NCKAP1L: variants seen among roughly 807,000 people sequenced by gnomAD.
NCKAP1L encodes nck-associated protein 1-like.
In NCKAP1L, 53 loss-of-function variants were observed where a neutral mutation model predicts 139.2. That is an observed-to-expected ratio of 0.38 (90% CI 0.31 to 0.48). NCKAP1L has a LOEUF of 0.48. NCKAP1L is among the 20% of genes least tolerant of loss of function. NCKAP1L has a pLI of 0.98. For synonymous variants in NCKAP1L, 468 were observed against 499.7 expected, an observed-to-expected ratio of 0.94 and a Z score of 0.85; for missense variants, 1,151 against 1,381.9, an observed-to-expected ratio of 0.83 and a Z score of 2.65.
At chr12:54,523,296 A>G in intron 18 of NCKAP1L, 98 bp from the exon 19 acceptor site, 2 of 1,382,400 alleles carry the variant, frequency 1.4e-6, no homozygotes, top group South Asian at 2.8e-5. Flanking sequence ...AGAAAGATAA[A>G]ATAACAGACA....
chr12:54,516,135 G>C (rs1356778839), intron 9 of NCKAP1L, 104 bp from the exon 10 acceptor site: 6 of 1,154,986 alleles, frequency 5.2e-6, no homozygotes, highest in Admixed American at 1.8e-5. Context: ...GGCTGCCCAT[G>C]CTCCCACCAG....
In NCKAP1L at chr12:54,526,597, A is replaced by G; in HGVS notation, c.2226A>G (p.Ala742=). 6.2e-7 allele frequency: 1 copy of G among 1,614,044 alleles called. No homozygotes were observed. Among genetic ancestry groups the G allele is most frequent in the Non-Finnish European group, 8.5e-7 (1 of 1,180,014 alleles). The part of the protein sequence containing the change: ...QEIVRPSELL[A]GVKAYIGFIQ... ...TCGTACGGCCTTCTGAGCTGTTGGCAGGAGTCAAAGCATACATTGGTTTCA... is the reference window on the plus strand; with the variant it reads ...TCGTACGGCCTTCTGAGCTGTTGGCGGGAGTCAAAGCATACATTGGTTTCA... Residue 742 remains alanine (A), a synonymous_variant, in exon 21 of 31, where the codon GCA becomes GCG. Transcript: ENST00000293373.
At position 54,502,823 on chromosome 12, in the gene NCKAP1L, C is replaced by CAAAAA. The variant is rs780466592; in HGVS notation, c.306+2219_306+2223dup. 4.5e-3 allele frequency among the ~76,000 whole-genome samples: 260 copies of CAAAAA among 57,338 alleles called. 1 individual carries two copies. The highest frequency in any genetic ancestry group is 6.3e-3 in the Non-Finnish European group (207 of 32,662). 37.6% of individuals were successfully genotyped at this position (57,338 alleles called of 152,430 possible). A position where few individuals can be genotyped will look rare whatever the true frequency, so the allele number is the denominator to read the frequency against. On this transcript the variant is annotated intron_variant, in intron 3 of 30. Transcript: ENST00000293373. ...GCAACATGGTGAAACCCCATCTACA[C>CAAAAA]AAAAAAAAAAAAAAAAAAAAAAAAA...
chr12:54,500,766 T>C (rs1956791569), intron 3 of NCKAP1L, 141 bp downstream of exon 3: 3 of 632,230 alleles, frequency 4.7e-6, no homozygotes, highest in Non-Finnish European at 8.5e-6. Context: ...CTAAGTTGTA[T>C]TGTTAAATGA....
chr12:54,508,591 G>A, intron 5 of NCKAP1L, 60 bp downstream of exon 5: 1 of 1,534,952 alleles, frequency 6.5e-7, no homozygotes, highest in East Asian at 2.3e-5. Context: ...GATGTAGAGA[G>A]TCCCTCATGC....
Position 54,520,691 on chromosome 12 carries a change from C to A in NCKAP1L, c.1626-3C>A, listed in dbSNP as rs905031205. 4 of 1,614,102 alleles carry A rather than the reference C, an allele frequency of 2.5e-6. No individual in the cohort carries two copies. The highest frequency in any genetic ancestry group is 3.4e-6 in the Non-Finnish European group (4 of 1,179,984). On this transcript the variant is annotated splice_polypyrimidine_tract_variant and splice_region_variant and intron_variant, in intron 16 of 30. Coordinates refer to ENST00000293373, the MANE Select transcript of NCKAP1L (RefSeq NM_005337.5). ...GATTTAAAGTCTTCCCGTTTCTCTG[C>A]AGCTTTCATCTTCGTATCTTTGAGA...
intron 5 of NCKAP1L, among the ~76,000 whole-genome samples, chr12:54,508,783 G>A (rs1029778728): frequency 3.3e-5 from 5 of 152,132 alleles, no homozygotes; most frequent in Non-Finnish European, 7.4e-5. Flanking sequence ...AGTGTTCATG[G>A]GATGTGAAAT....
rs768890278 is a variant in NCKAP1L, at chr12:54,500,631, C to T, written c.306+6C>T. On this transcript the variant is annotated splice_donor_region_variant and intron_variant, in intron 3 of 30. Coordinates refer to ENST00000293373, the MANE Select transcript of NCKAP1L (RefSeq NM_005337.5). The stretch of plus-strand genomic sequence containing the variant: ...TGGATGTCATGGAATTTCGGGTGAG[C>T]TCTCTTGAGCCGTTTCCAATGTAGG... 1 of 1,574,706 alleles carries T rather than the reference C, an allele frequency of 6.4e-7. No individual in the cohort carries two copies. The highest frequency in any genetic ancestry group is 2.2e-5 in the East Asian group (1 of 44,594).
At chr12:54,507,705 T>C in intron 3 of NCKAP1L, 148 bp from the exon 4 acceptor site, 1 of 725,644 alleles carries the variant, frequency 1.4e-6, no homozygotes. Context: ...GAGGAGGAAC[T>C]TCCTCCCTCT....
chr12:54,500,555 G>A lies in NCKAP1L; in HGVS notation c.236G>A (p.Arg79His), dbSNP rs183671693. The A allele has an allele frequency of 5.0e-6, 8 of 1,610,596 alleles. No homozygotes were observed. The highest frequency in any genetic ancestry group is 2.2e-5 in the South Asian group (2 of 91,024). ...CAGCAACATTTAGGACCAGTACATC[G>A]TGAAAAAGCCGAGATAATTAGATTC... ...NSTQHLGPVHREKAEIIRFLT... is the reference protein window; with the variant it reads ...NSTQHLGPVHHEKAEIIRFLT... Residue 79 changes from arginine (R) to histidine (H), a missense_variant, in exon 3 of 31, where the codon CGT becomes CAT. Physicochemically the swap from Arg to His is conservative, Grantham distance 29 (BLOSUM62 0). Coordinates refer to ENST00000293373, the MANE Select transcript of NCKAP1L (RefSeq NM_005337.5).
chr12:54,529,076 T>A (rs1592349551), intron 22 of NCKAP1L, among the ~76,000 whole-genome samples: 1 of 152,226 alleles, frequency 6.6e-6, no homozygotes, highest in East Asian at 1.9e-4. Context: ...ACTCACTTAA[T>A]CCTCATAACA....
In NCKAP1L at chr12:54,536,114, T is replaced by G; in HGVS notation, c.2957-15T>G. On this transcript the variant is annotated splice_polypyrimidine_tract_variant and intron_variant, in intron 27 of 30. Transcript: ENST00000293373. The stretch of plus-strand genomic sequence containing the variant: ...TTTATTCACTTTTCCTCTTTTCCTT[T>G]TTCCCTCTCACCAGATACTTCATCT... 6.3e-7 allele frequency: 1 copy of G among 1,582,260 alleles called. No homozygotes were observed. The highest frequency in any genetic ancestry group is 8.7e-7 in the Non-Finnish European group (1 of 1,151,610).
chr12:54,527,947 G>A (rs1957039592), intron 21 of NCKAP1L, among the ~76,000 whole-genome samples: 1 of 152,230 alleles, frequency 6.6e-6, no homozygotes, highest in African/African-American at 2.4e-5. Context: ...TAAGGGTGAG[G>A]GGAATACAGC....
rs1957173983 is a variant in NCKAP1L at position 54,543,182 on chromosome 12, A to G, written c.*497A>G. On this transcript the variant is annotated 3_prime_UTR_variant, in exon 31 of 31. Coordinates refer to ENST00000293373, the MANE Select transcript of NCKAP1L (RefSeq NM_005337.5). Reference sequence around the variant, plus strand: ...CTCTCTTCCTTTTTCAAATGTGTTCAGCAAACATTCAACCTGCTCCTACTG... The same window carrying G: ...CTCTCTTCCTTTTTCAAATGTGTTCGGCAAACATTCAACCTGCTCCTACTG... 1 of 152,542 alleles carries G rather than the reference A, an allele frequency of 6.6e-6. No homozygotes were observed. The highest frequency in any genetic ancestry group is 1.5e-5 in the Non-Finnish European group (1 of 68,290). 9.4% of individuals were successfully genotyped at this position (152,542 alleles called of 1,614,324 possible).
At position 54,509,540 on chromosome 12, in the gene NCKAP1L, T is replaced by C. The variant is rs569513769; in HGVS notation, c.507-129T>C. On this transcript the variant is annotated intron_variant, in intron 5 of 30. Transcript: ENST00000293373. ...GTATCTTTATATGTAATTTACAGTG[T>C]AGTATGTATATCTTTGGAGGTGGTG... 1.0e-5 allele frequency: 7 copies of C among 684,566 alleles called. No homozygotes were observed. In the South Asian group the frequency reaches 1.0e-4, roughly 10 times the overall value. The allele number at this position is 684,566 out of a possible 1,614,324, so 42.4% of individuals were successfully genotyped here.
chr12:54,530,591 T>C (rs1425720475), intron 22 of NCKAP1L, among the ~76,000 whole-genome samples: 1 of 152,140 alleles, frequency 6.6e-6, no homozygotes, highest in Non-Finnish European at 1.5e-5. Context: ...AGATCTTAGA[T>C]GAGGAAATAG....
intron 18 of NCKAP1L, among the ~76,000 whole-genome samples, chr12:54,522,145 T>C (rs1274209476): frequency 6.6e-6 from 1 of 152,230 alleles, no homozygotes; most frequent in African/African-American, 2.4e-5. Context: ...AGGTACACAA[T>C]TCCTGCCCTT....
chr12:54,511,182 T>C (rs1956885463), intron 7 of NCKAP1L, among the ~76,000 whole-genome samples: 1 of 152,236 alleles, frequency 6.6e-6, no homozygotes, highest in Non-Finnish European at 1.5e-5. Flanking sequence ...TTCTGAGTCT[T>C]GCTCTCTTCA....
intron 3 of NCKAP1L, among the ~76,000 whole-genome samples, chr12:54,507,187 G>T (rs930781927): frequency 1.3e-5 from 2 of 151,962 alleles, no homozygotes; most frequent in African/African-American, 4.8e-5. Context: ...ATAATATCAG[G>T]TTGCTAAAGT....
Sources: allele counts gnomAD v4.1 joint callset (sites outside exome capture counted in the v4.1 genomes callset), GRCh38; gene constraint gnomAD v4.1.1; transcripts MANE v1.5; gene names NCBI Gene and HGNC (gene_info 2026-07-23, HGNC 2026-07-21).